The following NDNF variants were observed in gnomAD, a reference collection of about 807,000 sequenced individuals.
NDNF encodes the protein neuron derived neurotrophic factor.
NDNF carries 16 observed loss-of-function variants against 42.0 expected under a neutral mutation model. That is an observed-to-expected ratio of 0.38 (90% CI 0.26 to 0.58). NDNF has a LOEUF of 0.58. Ranked by LOEUF, NDNF falls within the 20% of genes least tolerant of loss-of-function variation. NDNF has a pLI of 0.67. For missense variants in NDNF, 616 were observed against 666.2 expected, an observed-to-expected ratio of 0.92 and a Z score of 0.83; for synonymous variants, 248 against 251.7, an observed-to-expected ratio of 0.99 and a Z score of 0.14.
chr4:121,037,379 G>A lies in NDNF; in HGVS notation c.592C>T (p.Pro198Ser). Residue 198 changes from proline (P) to serine (S), a missense_variant, in exon 4 of 4, where the codon CCA becomes TCA. By Grantham distance (74) the Pro-to-Ser change is moderately conservative. Transcript: ENST00000379692. ...TTCAGCAAAGAGGCAGTGGGGCTTG[G>A]TTTCCAGGCCAAAGTGACCGTGGTG... is the stretch of plus-strand genomic sequence containing the variant. ...GRTTVTLAWK[P>S]SPTASLLKQP... The A allele has an allele frequency of 1.9e-6, 3 of 1,614,130 alleles. No homozygotes were observed. The highest frequency in any genetic ancestry group is 2.5e-6 in the Non-Finnish European group (3 of 1,180,026).
chr4:121,065,050 C>CTCAG (rs1387689281), intron 1 of NDNF, among the ~76,000 whole-genome samples: 1 of 152,160 alleles, frequency 6.6e-6, no homozygotes, highest in African/African-American at 2.4e-5. Context: ...GTCCTCCAGC[C>CTCAG]TCAGCCTCCT....
At chr4:121,051,686 C>G (rs1409278715) in intron 1 of NDNF, among the ~76,000 whole-genome samples, 1 of 152,120 alleles carries the variant, frequency 6.6e-6, no homozygotes, top group Non-Finnish European at 1.5e-5. Context: ...AGTCAATTTA[C>G]CCATCTGGGT....
At chr4:121,056,271 G>T (rs1017526076) in intron 1 of NDNF, among the ~76,000 whole-genome samples, 1 of 152,198 alleles carries the variant, frequency 6.6e-6, no homozygotes, top group African/African-American at 2.4e-5. Flanking sequence ...TGAGCTCAGT[G>T]AAGAAAAGAC....
At chr4:121,060,982 AG>A (rs1727395418) in intron 1 of NDNF, among the ~76,000 whole-genome samples, 1 of 152,226 alleles carries the variant, frequency 6.6e-6, no homozygotes, top group African/African-American at 2.4e-5. Context: ...TAGATGTACC[AG>A]GGACCTTAAA....
intron 1 of NDNF, chr4:121,061,544 CTAGCTCA>C (rs978743392): frequency 6.6e-6 from 1 of 152,220 alleles, no homozygotes; most frequent in Non-Finnish European, 1.5e-5. Context: ...CTCTTCTCTC[CTAGCTCA>C]TAGCTCAATG....
At chr4:121,047,776 G>A (rs1465139531) in intron 1 of NDNF, among the ~76,000 whole-genome samples, 2 of 152,182 alleles carry the variant, frequency 1.3e-5, no homozygotes, top group Non-Finnish European at 2.9e-5. Flanking sequence ...CTAAAAAGCT[G>A]GCAGTTTAAG....
Position 121,045,633 on chromosome 4 carries a change from T to C in NDNF, c.188+17A>G. 6.2e-7 allele frequency: 1 copy of C among 1,603,066 alleles called. No individual in the cohort carries two copies. The highest frequency in any genetic ancestry group is 8.5e-7 in the Non-Finnish European group (1 of 1,171,472). ...TTTGTGAGCTTTTTAATAAAGAAAA[T>C]ACTGCAGGGAGAATACCTCTTAGGT... On this transcript the variant is annotated intron_variant, in intron 2 of 3. Coordinates refer to ENST00000379692, the MANE Select transcript of NDNF (RefSeq NM_024574.4).
chr4:121,039,182 G>GTATA (rs1726942415), intron 3 of NDNF, among the ~76,000 whole-genome samples: 3 of 13,810 alleles, frequency 2.2e-4, no homozygotes, highest in East Asian at 5.4e-3. Context: ...AAGACTATGT[G>GTATA]TGTGTGTGTG....
chr4:121,066,256 C>T (rs1727497713), intron 1 of NDNF, among the ~76,000 whole-genome samples: 1 of 152,162 alleles, frequency 6.6e-6, no homozygotes, highest in Admixed American at 6.5e-5. Context: ...CAGAGTTAAA[C>T]GACTGATGTT....
At chr4:121,047,446 C>G (rs537921691) in intron 1 of NDNF, among the ~76,000 whole-genome samples, 6 of 152,316 alleles carry the variant, frequency 3.9e-5, no homozygotes, top group African/African-American at 1.4e-4. Flanking sequence ...AAAAACAAAA[C>G]TCCATTAGGT....
At position 121,060,764 on chromosome 4, in the gene NDNF, T is replaced by C. The variant is rs117533932; in HGVS notation, c.-2+11229A>G. 6.6e-4 allele frequency among the ~76,000 whole-genome samples: 101 copies of C among 152,268 alleles called. 3 individuals carry two copies. In the East Asian group the frequency reaches 0.018, roughly 27 times the overall value. Reference sequence around the variant, plus strand: ...GGGCCTAATCCCACATTTACCCAAATATCTGATGGTCTGGAAGCTTCAACT... The same window carrying C: ...GGGCCTAATCCCACATTTACCCAAACATCTGATGGTCTGGAAGCTTCAACT... On this transcript the variant is annotated intron_variant, in intron 1 of 3. Coordinates refer to ENST00000379692, the MANE Select transcript of NDNF (RefSeq NM_024574.4).
intron 1 of NDNF, among the ~76,000 whole-genome samples, chr4:121,069,146 A>G (rs1466516351): frequency 6.6e-6 from 1 of 152,202 alleles, no homozygotes; most frequent in East Asian, 1.9e-4. Context: ...CTGAAACAAC[A>G]AGGTTCACGC....
At chr4:121,039,601 T>A (rs1288085403) in intron 3 of NDNF, among the ~76,000 whole-genome samples, 1 of 152,042 alleles carries the variant, frequency 6.6e-6, no homozygotes, top group Non-Finnish European at 1.5e-5. Context: ...CTTTGCAAGA[T>A]CTAGGCATCA....
chr4:121,072,398 G>C lies in NDNF; in HGVS notation c.-407C>G, dbSNP rs1020539701. ...CGCGGGGCTGGCGCGGGCTTCGCCG[G>C]CCGCCGCTAGTCGCACAGGCGCCTG... On this transcript the variant is annotated 5_prime_UTR_variant, in exon 1 of 4. Coordinates refer to ENST00000379692, the MANE Select transcript of NDNF (RefSeq NM_024574.4). 6.6e-6 allele frequency: 1 copy of C among 151,478 alleles called. No individual in the cohort carries two copies. Among genetic ancestry groups the C allele is most frequent in the Non-Finnish European group, 1.5e-5 (1 of 67,830 alleles). The allele number at this position is 151,478 out of a possible 1,614,324, so 9.4% of individuals were successfully genotyped here.
chr4:121,056,368 G>T (rs576608499), intron 1 of NDNF, among the ~76,000 whole-genome samples: 6 of 152,278 alleles, frequency 3.9e-5, no homozygotes, highest in Non-Finnish European at 8.8e-5. Context: ...TCTTTAGGAT[G>T]GACACCAAGC....
At position 121,045,700 on chromosome 4, in the gene NDNF, A is replaced by C. The variant is rs1727078664; in HGVS notation, c.138T>G (p.Ile46Met). The change falls in exon 2 of 4, where the codon ATT becomes ATG. Residue 46 changes from isoleucine (I) to methionine (M), a missense_variant. Transcript: ENST00000379692. Reference sequence around the variant, plus strand: ...AACTGCTAATTTCAGCTCCATCTGGAATTACTGACGAATCATGAAAAAATG... The same window carrying C: ...AACTGCTAATTTCAGCTCCATCTGGCATTACTGACGAATCATGAAAAAATG... The part of the protein sequence containing the change: ...DKAFFHDSSV[I>M]PDGAEISSYL... 6.2e-7 allele frequency: 1 copy of C among 1,614,072 alleles called. No individual in the cohort carries two copies. Among genetic ancestry groups the C allele is most frequent in the Admixed American group, 1.7e-5 (1 of 60,012 alleles).
chr4:121,039,754 C>T (rs1304648404), intron 3 of NDNF, among the ~76,000 whole-genome samples, 176 bp downstream of exon 3: 1 of 152,192 alleles, frequency 6.6e-6, no homozygotes, highest in East Asian at 1.9e-4. Context: ...TTTATTTTAT[C>T]AGGATCAGTG....
rs1321669711 is a variant in NDNF, at chr4:121,037,118, T to C, written c.853A>G (p.Lys285Glu). The part of the protein sequence containing the change: ...KLGRHVYSRP[K>E]VDIQKICIGN... Reference sequence around the variant, plus strand: ...ATGCAGATTTTCTGAATATCAACCTTGGGCCTGGAGTAGACATGACGCCCC... The same window carrying C: ...ATGCAGATTTTCTGAATATCAACCTCGGGCCTGGAGTAGACATGACGCCCC... The change falls in exon 4 of 4, where the codon AAG (lysine) becomes GAG (glutamate). Residue 285 changes from lysine (K) to glutamate (E), a missense_variant. Physicochemically the swap from Lys to Glu is moderately conservative, Grantham distance 56. Coordinates refer to ENST00000379692, the MANE Select transcript of NDNF (RefSeq NM_024574.4). 1 of 1,613,856 alleles carries C rather than the reference T, an allele frequency of 6.2e-7. No homozygotes were observed. Among genetic ancestry groups the C allele is most frequent in the Non-Finnish European group, 8.5e-7 (1 of 1,180,022 alleles).
intron 2 of NDNF, among the ~76,000 whole-genome samples, chr4:121,044,981 T>C (rs1727062547): frequency 6.6e-6 from 1 of 152,188 alleles, no homozygotes; most frequent in Admixed American, 6.5e-5. Context: ...CAAAACTTAA[T>C]GCAAACTCTT....
Sources: gnomAD v4.1 joint callset for allele counts (sites outside exome capture counted in the v4.1 genomes callset) on GRCh38, gnomAD v4.1.1 for gene constraint, MANE v1.5 for transcripts, NCBI Gene and HGNC (gene_info 2026-07-23, HGNC 2026-07-21) for gene names.